Variants in RALYL observed in about 807,000 individuals in gnomAD.
RALYL encodes RNA-binding Raly-like protein.
Under a neutral mutation model 35.1 loss-of-function variants are expected in RALYL, and 29 were observed. That is an observed-to-expected ratio of 0.83 (90% confidence interval 0.61 to 1.13). The LOEUF (loss-of-function observed/expected upper bound fraction) is 1.13. Among genes scored for constraint, RALYL ranks in the 50% most tolerant of loss-of-function variants. The pLI, the probability that RALYL is intolerant of heterozygous loss-of-function variation, is 0.00. For missense variants in RALYL, 359 were observed against 360.4 expected, an observed-to-expected ratio of 1.00 and a Z score of 0.03; for synonymous variants, 120 against 127.6, an observed-to-expected ratio of 0.94 and a Z score of 0.40.
chr8:84,701,148 T>A (rs931497358), intron 2 of RALYL, among the ~76,000 whole-genome samples: 1 of 152,164 alleles, frequency 6.6e-6, no homozygotes, highest in Non-Finnish European at 1.5e-5. Flanking sequence ...TGAGTAACTT[T>A]ACATCTAAAC....
chr8:84,695,255 C>T (rs182473614), intron 2 of RALYL, among the ~76,000 whole-genome samples: 1 of 151,788 alleles, frequency 6.6e-6, no homozygotes, highest in African/African-American at 2.4e-5. Context: ...GTCATGGGCA[C>T]CAACTCACAA....
At chr8:84,433,199 AG>A (rs2047328503) in intron 1 of RALYL, among the ~76,000 whole-genome samples, 1 of 152,110 alleles carries the variant, frequency 6.6e-6, no homozygotes, top group African/African-American at 2.4e-5. Context: ...GTCCTTCAGG[AG>A]ACAAATATGT....
rs183658704 is a variant in RALYL, at chr8:84,816,785, C to T, written c.365+11983C>T. Among the ~76,000 whole-genome samples, 331 of 152,198 alleles carry T rather than the reference C, an allele frequency of 2.2e-3. 1 individual carries two copies. Among genetic ancestry groups the T allele is most frequent in the Non-Finnish European group, 1.6e-3 (111 of 68,026 alleles). ...GTAATTGGATTGTTTGTTTGTAACA[C>T]AAAGCGTAAATGCTTGGGAGAATGG... On this transcript the variant is annotated intron_variant, in intron 4 of 8. Transcript: ENST00000521268.
intron 2 of RALYL, among the ~76,000 whole-genome samples, chr8:84,573,849 A>G (rs568025093): frequency 8.6e-5 from 13 of 151,936 alleles, no homozygotes; most frequent in Admixed American, 7.2e-4. Flanking sequence ...TCACCCACAC[A>G]AGTTCAATTT....
Position 84,529,474 on chromosome 8 carries a change from T to A in RALYL, c.153T>A (p.Cys51Ter). The change falls in exon 2 of 9, where the codon TGT becomes TGA. Residue 51 changes from cysteine to a stop codon, truncating the protein, a stop_gained. Coordinates refer to ENST00000521268, the MANE Select transcript of RALYL (RefSeq NM_173848.7). LOFTEE classifies it high-confidence loss of function. ...CAAAGTATGGAAAAATAGTTGGATG[T>A]TCCGTTCACAAAGGTTATGCATTTG... is the stretch of plus-strand genomic sequence containing the variant. The part of the protein sequence containing the change: ...IFSKYGKIVG[C>*]SVHKGYAFVQ... 1 of 1,613,828 alleles carries A rather than the reference T, an allele frequency of 6.2e-7. No homozygotes were observed. The highest frequency in any genetic ancestry group is 8.5e-7 in the Non-Finnish European group (1 of 1,179,836).
chr8:84,822,214 G>A (rs1210330497), intron 4 of RALYL, among the ~76,000 whole-genome samples: 2 of 152,066 alleles, frequency 1.3e-5, no homozygotes, highest in South Asian at 2.1e-4. Context: ...TAAAAGTGAG[G>A]TTCTCTAGAG....
chr8:84,300,235 A>G (rs989793322), intron 1 of RALYL, among the ~76,000 whole-genome samples: 6 of 151,938 alleles, frequency 3.9e-5, no homozygotes, highest in Non-Finnish European at 8.8e-5. Flanking sequence ...ATTTCCATGT[A>G]ATTGTATGGT....
chr8:84,268,109 A>G, intron 1 of RALYL, among the ~76,000 whole-genome samples: 1 of 152,230 alleles, frequency 6.6e-6, no homozygotes, highest in East Asian at 1.9e-4. Context: ...AATAAAATAA[A>G]CAATTTGTGA....
At chr8:84,479,355 G>C (rs1564005610) in intron 1 of RALYL, among the ~76,000 whole-genome samples, 1 of 151,954 alleles carries the variant, frequency 6.6e-6, no homozygotes, top group African/African-American at 2.4e-5. Flanking sequence ...ATCAAAGATA[G>C]GCAACATAGC....
intron 2 of RALYL, among the ~76,000 whole-genome samples, chr8:84,766,364 C>A (rs1234405886): frequency 6.6e-6 from 1 of 151,756 alleles, no homozygotes; most frequent in East Asian, 1.9e-4. Context: ...TTTTTACTAA[C>A]AGTTTTACTG....
chr8:84,230,576 A>G (rs1274686926), intron 1 of RALYL, among the ~76,000 whole-genome samples: 1 of 152,194 alleles, frequency 6.6e-6, no homozygotes, highest in Non-Finnish European at 1.5e-5. Flanking sequence ...CTCTCTAGTT[A>G]TTCTCCTTAG....
intron 1 of RALYL, among the ~76,000 whole-genome samples, chr8:84,255,304 T>TAA (rs1483050649): frequency 1.3e-5 from 2 of 152,164 alleles, no homozygotes; most frequent in Non-Finnish European, 2.9e-5. Context: ...AAATGTCATG[T>TAA]AAAAGTAATT....
Position 84,662,796 on chromosome 8 carries a change from A to C in RALYL, c.257-111783A>C, listed in dbSNP as rs112073004. Among the ~76,000 whole-genome samples the C allele has an allele frequency of 4.1e-3, 624 of 152,274 alleles. 2 individuals carry two copies. The highest frequency in any genetic ancestry group is 6.4e-3 in the Non-Finnish European group (432 of 68,020). ...CTACATATTTATATAAAATAGTATAAAAATGCATATATAATTTTTATTTAT... is the reference window on the plus strand; with the variant it reads ...CTACATATTTATATAAAATAGTATACAAATGCATATATAATTTTTATTTAT... On this transcript the variant is annotated intron_variant, in intron 2 of 8. Coordinates refer to ENST00000521268, the MANE Select transcript of RALYL (RefSeq NM_173848.7).
At chr8:84,517,498 C>T (rs1194605488) in intron 1 of RALYL, among the ~76,000 whole-genome samples, 5 of 152,122 alleles carry the variant, frequency 3.3e-5, no homozygotes, top group Non-Finnish European at 7.4e-5. Context: ...ATGCTTACTT[C>T]AACATTAAAA....
intron 2 of RALYL, among the ~76,000 whole-genome samples, chr8:84,743,994 G>GA (rs1429640553): frequency 2.6e-5 from 4 of 151,902 alleles, no homozygotes; most frequent in African/African-American, 7.2e-5. Flanking sequence ...TTGGGAAAAT[G>GA]AAAAAAATTG....
chr8:84,898,756 C>G, intron 8 of RALYL, among the ~76,000 whole-genome samples: 1 of 152,132 alleles, frequency 6.6e-6, no homozygotes, highest in East Asian at 1.9e-4. Flanking sequence ...ATTGACTTTC[C>G]TGAAATGTCA....
chr8:84,225,469 C>T (rs1823644885), intron 1 of RALYL, among the ~76,000 whole-genome samples: 1 of 152,158 alleles, frequency 6.6e-6, no homozygotes, highest in Non-Finnish European at 1.5e-5. Context: ...TGACTTGGCT[C>T]CTGCTTATCT....
At chr8:84,680,288 T>C (rs928877269) in intron 2 of RALYL, among the ~76,000 whole-genome samples, 3 of 152,282 alleles carry the variant, frequency 2.0e-5, no homozygotes, top group Admixed American at 6.5e-5. Context: ...TTTGCTATTG[T>C]GAATAGTGCC....
chr8:84,691,003 G>T (rs1837924636), intron 2 of RALYL, among the ~76,000 whole-genome samples: 1 of 152,028 alleles, frequency 6.6e-6, no homozygotes, highest in Non-Finnish European at 1.5e-5. Flanking sequence ...ATCTTTGTAA[G>T]ACTGATTTTT....
Sources: gnomAD v4.1 joint callset for allele counts (sites outside exome capture counted in the v4.1 genomes callset) on GRCh38, gnomAD v4.1.1 for gene constraint, MANE v1.5 for transcripts, NCBI Gene and HGNC (gene_info 2026-07-23, HGNC 2026-07-21) for gene names.